The following SLC15A1 variants were observed in gnomAD, a reference collection of about 807,000 sequenced individuals.
SLC15A1 encodes solute carrier family 15 member 1, also known as Caco-2 oligopeptide transporter.
In SLC15A1, 83 loss-of-function variants were observed where a neutral mutation model predicts 92.9. The ratio of observed to expected loss-of-function variants is 0.89; its 90% CI spans 0.75 to 1.07. SLC15A1 has a LOEUF of 1.07. Among genes scored for constraint, SLC15A1 ranks in the 50% least tolerant of loss-of-function variants. The pLI is 0.00. For synonymous variants in SLC15A1, 322 were observed against 318.2 expected (o/e 1.01, Z -0.13); for missense variants, 857 against 880.1 (o/e 0.97, Z 0.33).
intron 1 of SLC15A1, among the ~76,000 whole-genome samples, chr13:98,739,010 G>A (rs2088418753): frequency 6.6e-6 from 1 of 152,240 alleles, no homozygotes; most frequent in Non-Finnish European, 1.5e-5. Context: ...GGATCAATGT[G>A]CCCTGGATGT....
Position 98,721,516 on chromosome 13 carries a change from T to C in SLC15A1, c.535A>G (p.Ile179Val), listed in dbSNP as rs759653360. 2.0e-5 allele frequency: 32 copies of C among 1,613,514 alleles called. No individual in the cohort carries two copies. Among genetic ancestry groups the C allele is most frequent in the Non-Finnish European group, 2.6e-5 (31 of 1,179,636 alleles). ...AINAGSLLSTIITPMLRVQQC... is the reference protein window; with the variant it reads ...AINAGSLLSTVITPMLRVQQC... ...TTACCTCTGAGCATGGGTGTGATGA[T>C]TGTGGAAAGCAAACTTCCAGCATTA... Residue 179 changes from isoleucine to valine, a missense_variant, in exon 7 of 23, where the codon ATC (isoleucine) becomes GTC (valine). Physicochemically the swap from Ile to Val is conservative, Grantham distance 29. Coordinates refer to ENST00000376503, the MANE Select transcript of SLC15A1 (RefSeq NM_005073.4).
chr13:98,704,502 G>A (rs1228636854), intron 16 of SLC15A1, 67 bp from the exon 17 acceptor site: 1 of 1,429,052 alleles, frequency 7.0e-7, no homozygotes. Flanking sequence ...CTGAACGCTG[G>A]AAGAGCAGTT....
Position 98,739,711 on chromosome 13 carries a change from C to G in SLC15A1, c.5-12852G>C, listed in dbSNP as rs72650322. Among the ~76,000 whole-genome samples the G allele has an allele frequency of 1.4e-3, 209 of 152,328 alleles. 1 individual carries two copies. The highest frequency in any genetic ancestry group is 2.6e-3 in the Non-Finnish European group (177 of 68,038). On this transcript the variant is annotated intron_variant, in intron 1 of 22. Coordinates refer to ENST00000376503, the MANE Select transcript of SLC15A1 (RefSeq NM_005073.4). ...CAGAGCCATAAGCCAATTAAACCTTCTTTCTTTATAAATTACCCGGTTTCA... is the reference window on the plus strand; with the variant it reads ...CAGAGCCATAAGCCAATTAAACCTTGTTTCTTTATAAATTACCCGGTTTCA...
intron 11 of SLC15A1, among the ~76,000 whole-genome samples, chr13:98,710,844 CT>C (rs1164046165): frequency 6.6e-6 from 1 of 151,164 alleles, no homozygotes; most frequent in Non-Finnish European, 1.5e-5. Context: ...AAATCTACCC[CT>C]GTTTGAGTTC....
intron 18 of SLC15A1, among the ~76,000 whole-genome samples, chr13:98,693,296 C>T (rs1437861040): frequency 6.6e-6 from 1 of 152,016 alleles, no homozygotes; most frequent in African/African-American, 2.4e-5. Context: ...TGGGGTTTCA[C>T]CATGTTGGCT....
intron 2 of SLC15A1, 158 bp from the exon 3 acceptor site, chr13:98,726,607 ACACTAATCCTTC>A: frequency 1.3e-6 from 1 of 774,960 alleles, no homozygotes. Context: ...TTTATTCCCT[ACACTAATCCTTC>A]CACATAGAGA....
At chr13:98,712,040 A>G in intron 10 of SLC15A1, 97 bp from the exon 11 acceptor site, 1 of 901,524 alleles carries the variant, frequency 1.1e-6, no homozygotes, top group Non-Finnish European at 1.8e-6. Context: ...AGACACAGAT[A>G]TTTGCATCTA....
At position 98,687,599 on chromosome 13, in the gene SLC15A1, C is replaced by T. The variant is rs757860003; in HGVS notation, c.1809G>A (p.Leu603=). 21 of 1,613,894 alleles carry T rather than the reference C, an allele frequency of 1.3e-5. No homozygotes were observed. Among genetic ancestry groups the T allele is most frequent in the Middle Eastern group, 1.6e-4 (1 of 6,084 alleles). Residue 603 remains leucine (L), a synonymous_variant, in exon 21 of 23, where the codon TTG becomes TTA. Coordinates refer to ENST00000376503, the MANE Select transcript of SLC15A1 (RefSeq NM_005073.4). The part of the protein sequence containing the change: ...CGEVVFSVTG[L]EFSYSQAPSN... Reference sequence around the variant, plus strand: ...AAGAAACCTGAGAATATGAGAATTCCAATCCCGTGACAGAGAAGACCACTT... The same window carrying T: ...AAGAAACCTGAGAATATGAGAATTCTAATCCCGTGACAGAGAAGACCACTT...
At chr13:98,743,186 G>T (rs760518965) in intron 1 of SLC15A1, among the ~76,000 whole-genome samples, 2 of 152,190 alleles carry the variant, frequency 1.3e-5, no homozygotes, top group Non-Finnish European at 2.9e-5. Context: ...CCCAAATAAG[G>T]TCACGCTCCA....
chr13:98,711,784 C>G (rs2088164737), intron 11 of SLC15A1, 70 bp downstream of exon 11: 2 of 1,108,744 alleles, frequency 1.8e-6, no homozygotes, highest in Non-Finnish European at 2.7e-6. Context: ...ATGAAGTGAG[C>G]CTTGGTACCT....
chr13:98,724,827 C>A (rs2088286317), intron 4 of SLC15A1, among the ~76,000 whole-genome samples: 1 of 152,198 alleles, frequency 6.6e-6, no homozygotes, highest in African/African-American at 2.4e-5. Flanking sequence ...GATATTTGGA[C>A]AGGAAGTAGA....
chr13:98,736,054 A>G (rs1369699992), intron 1 of SLC15A1, among the ~76,000 whole-genome samples: 2 of 152,212 alleles, frequency 1.3e-5, no homozygotes, highest in Admixed American at 1.3e-4. Flanking sequence ...AGCAAAAAGA[A>G]CAAAGCTGGA....
chr13:98,695,585 G>GT (rs2088015422), intron 18 of SLC15A1, among the ~76,000 whole-genome samples: 2 of 151,972 alleles, frequency 1.3e-5, no homozygotes, highest in African/African-American at 4.8e-5. Context: ...TAGAGATGGG[G>GT]TTTCACCATG....
chr13:98,719,803 T>A (rs570575689), intron 7 of SLC15A1, among the ~76,000 whole-genome samples: 1 of 152,316 alleles, frequency 6.6e-6, no homozygotes, highest in East Asian at 1.9e-4. Flanking sequence ...TTGGTCTCTG[T>A]CAACTACTTA....
rs982029857 is a variant in SLC15A1, at chr13:98,726,567, G to A, written c.22-118C>T. 5 of 900,082 alleles carry A rather than the reference G, an allele frequency of 5.6e-6. No homozygotes were observed. The Admixed American group carries it at 9.9e-5, about 18-fold the overall frequency. 55.8% of individuals were successfully genotyped at this position (900,082 alleles called of 1,614,324 possible). On this transcript the variant is annotated intron_variant, in intron 2 of 22. Coordinates refer to ENST00000376503, the MANE Select transcript of SLC15A1 (RefSeq NM_005073.4). ...CAGATTCAGTAACTTACCGGTGACT[G>A]TCTAGAGCAGGAAACTAGCATTTAA... is the stretch of plus-strand genomic sequence containing the variant.
At chr13:98,699,242 C>A (rs780500566) in intron 18 of SLC15A1, among the ~76,000 whole-genome samples, 2 of 152,158 alleles carry the variant, frequency 1.3e-5, no homozygotes, top group Non-Finnish European at 2.9e-5. Flanking sequence ...GGCAAGAGAA[C>A]AATTTCCATT....
chr13:98,730,182 C>A (rs1291325433), intron 1 of SLC15A1, among the ~76,000 whole-genome samples: 1 of 141,074 alleles, frequency 7.1e-6, no homozygotes, highest in African/African-American at 2.7e-5. Flanking sequence ...GGCAACTGAG[C>A]GAGACTCCGT....
At chr13:98,746,575 A>G (rs1415399292) in intron 1 of SLC15A1, among the ~76,000 whole-genome samples, 2 of 152,254 alleles carry the variant, frequency 1.3e-5, no homozygotes, top group African/African-American at 4.8e-5. Context: ...ATGTATAAAC[A>G]TCTGCCATGT....
chr13:98,752,120 G>A (rs894422546), intron 1 of SLC15A1, among the ~76,000 whole-genome samples: 1 of 152,212 alleles, frequency 6.6e-6, no homozygotes, highest in African/African-American at 2.4e-5. Context: ...GTTAAGAGGG[G>A]GCCACAAAGA....
Sources: gnomAD v4.1 joint callset for allele counts (sites outside exome capture counted in the v4.1 genomes callset) on GRCh38, gnomAD v4.1.1 for gene constraint, MANE v1.5 for transcripts, NCBI Gene and HGNC (gene_info 2026-07-23, HGNC 2026-07-21) for gene names.